Variants in BEND7 observed in about 807,000 individuals in gnomAD.
BEND7 encodes BEN domain containing 7, also known as BEN domain-containing protein 7.
In BEND7, 28 loss-of-function variants were observed where a neutral mutation model predicts 50.9. That is an observed-to-expected ratio of 0.55 (90% confidence interval 0.41 to 0.75). The LOEUF is 0.75. Among genes scored for constraint, BEND7 ranks in the 30% least tolerant of loss-of-function variants. The pLI, the probability that BEND7 is intolerant of heterozygous loss-of-function variation, is 0.00. For synonymous variants in BEND7, 170 were observed against 183.9 expected, an observed-to-expected ratio of 0.92 and a Z score of 0.61; for missense variants, 477 against 491.3, an observed-to-expected ratio of 0.97 and a Z score of 0.28.
chr10:13,489,077 G>A (rs1313898665), intron 5 of BEND7, among the ~76,000 whole-genome samples: 1 of 152,174 alleles, frequency 6.6e-6, no homozygotes, highest in African/African-American at 2.4e-5. Flanking sequence ...AAATGGGCCA[G>A]GCCTTGTTCT....
chr10:13,493,317 A>T (rs12572570), intron 4 of BEND7, among the ~76,000 whole-genome samples: 30,781 of 152,212 alleles, frequency 0.2, 3,214 homozygotes, highest in African/African-American at 0.24. Flanking sequence ...AATAATCTAC[A>T]GGTGCCAAAA....
At chr10:13,508,136 T>C (rs2132399320) in intron 2 of BEND7, among the ~76,000 whole-genome samples, 1 of 152,252 alleles carries the variant, frequency 6.6e-6, no homozygotes, top group African/African-American at 2.4e-5. Flanking sequence ...ACCCTGTGCT[T>C]TGAGGACCTG....
chr10:13,496,948 A>C, intron 3 of BEND7, 60 bp from the exon 4 acceptor site: 2 of 1,303,648 alleles, frequency 1.5e-6, no homozygotes, highest in East Asian at 2.9e-5. Context: ...AAAAAAAATC[A>C]TAAAGAGGTG....
chr10:13,507,403 G>A (rs1420611830), intron 2 of BEND7, among the ~76,000 whole-genome samples: 3 of 152,092 alleles, frequency 2.0e-5, no homozygotes, highest in African/African-American at 4.8e-5. Context: ...GAAAGAAATG[G>A]GGTCCAATCC....
chr10:13,460,641 C>T (rs1253782371), intron 6 of BEND7, among the ~76,000 whole-genome samples: 3 of 152,244 alleles, frequency 2.0e-5, no homozygotes, highest in East Asian at 3.9e-4. Flanking sequence ...GGCCTTTGTG[C>T]ACCCACAAAT....
chr10:13,499,737 A>C (rs1180477862), intron 3 of BEND7, 41 bp downstream of exon 3: 3 of 1,551,892 alleles, frequency 1.9e-6, no homozygotes, highest in African/African-American at 2.8e-5. Context: ...AACAGTACAA[A>C]CCCCCATGAG....
intron 6 of BEND7, among the ~76,000 whole-genome samples, chr10:13,478,095 A>T (rs2075588122): frequency 6.6e-6 from 1 of 152,204 alleles, no homozygotes. Flanking sequence ...GATGGAGCAG[A>T]CAAATTAGGG....
chr10:13,491,543 A>C (rs1280361868), intron 5 of BEND7, among the ~76,000 whole-genome samples: 3 of 151,820 alleles, frequency 2.0e-5, no homozygotes, highest in African/African-American at 7.3e-5. Context: ...ACTTCTTAAC[A>C]ATTGTAGCAA....
chr10:13,506,449 G>C (rs1040439269), intron 2 of BEND7, among the ~76,000 whole-genome samples: 2 of 152,140 alleles, frequency 1.3e-5, no homozygotes, highest in African/African-American at 4.8e-5. Flanking sequence ...AGGAGTTTAA[G>C]ATTCATAGGA....
At chr10:13,496,927 C>T (rs200063820) in intron 3 of BEND7, 39 bp from the exon 4 acceptor site, 1 of 809,996 alleles carries the variant, frequency 1.2e-6, no homozygotes, top group Admixed American at 1.2e-4. Context: ...TCCAAACAAA[C>T]CAAAAAAAAA....
At chr10:13,523,834 G>A (rs954348731) in intron 2 of BEND7, among the ~76,000 whole-genome samples, 2 of 152,052 alleles carry the variant, frequency 1.3e-5, no homozygotes, top group African/African-American at 4.8e-5. Context: ...TTTCTTAACT[G>A]ACCTAGAGAT....
At chr10:13,478,325 C>G (rs2075605916) in intron 6 of BEND7, among the ~76,000 whole-genome samples, 1 of 152,196 alleles carries the variant, frequency 6.6e-6, no homozygotes, top group Non-Finnish European at 1.5e-5. Flanking sequence ...GAGAACCCCT[C>G]CCTGCATCTG....
chr10:13,517,043 C>T (rs567463738), intron 2 of BEND7, among the ~76,000 whole-genome samples: 90 of 148,676 alleles, frequency 6.1e-4, no homozygotes, highest in African/African-American at 2.1e-3. Context: ...GCATTTGTTG[C>T]CCTATTAGGG....
chr10:13,468,973 A>C lies in BEND7; in HGVS notation c.1063+11926T>G, dbSNP rs112886386. 1.2e-4 allele frequency among the ~76,000 whole-genome samples: 18 copies of C among 152,356 alleles called. 3 individuals are homozygous for C. The highest frequency in any genetic ancestry group is 3.4e-4 in the African/African-American group (14 of 41,594). ...GGCCAGCACAGGCCCCATGCCCTGC[A>C]GGAGACCTGAATATCCTATATATAC... On this transcript the variant is annotated intron_variant, in intron 6 of 8. Transcript: ENST00000466271.
At chr10:13,463,421 A>G (rs143244005) in intron 6 of BEND7, among the ~76,000 whole-genome samples, 1,605 of 152,326 alleles carry the variant, frequency 0.011, 27 homozygotes, top group African/African-American at 0.037. Context: ...ATGATGGCTC[A>G]AAGACGAAGG....
chr10:13,453,330 T>A (rs1172363844), intron 6 of BEND7, among the ~76,000 whole-genome samples: 1 of 152,168 alleles, frequency 6.6e-6, no homozygotes, highest in Non-Finnish European at 1.5e-5. Flanking sequence ...CATTTCCACC[T>A]CACACACACT....
chr10:13,466,026 G>A (rs541101712), intron 6 of BEND7, among the ~76,000 whole-genome samples: 144 of 152,218 alleles, frequency 9.5e-4, no homozygotes, highest in Non-Finnish European at 1.9e-3. Flanking sequence ...ATTAAACAAG[G>A]TTAATTTTAA....
At chr10:13,503,581 C>T (rs184244596) in intron 2 of BEND7, among the ~76,000 whole-genome samples, 126 of 152,254 alleles carry the variant, frequency 8.3e-4, no homozygotes, top group African/African-American at 2.9e-3. Context: ...GGCGTGGCAG[C>T]GCGCGCCTGT....
At chr10:13,481,351 C>A (rs1317671887) in intron 5 of BEND7, among the ~76,000 whole-genome samples, 1 of 152,136 alleles carries the variant, frequency 6.6e-6, no homozygotes, top group South Asian at 2.1e-4. Context: ...TTGTCAAAAG[C>A]AATGGAAAGA....
Sources: gnomAD v4.1 joint callset for allele counts (sites outside exome capture counted in the v4.1 genomes callset) on GRCh38, gnomAD v4.1.1 for gene constraint, MANE v1.5 for transcripts, NCBI Gene and HGNC (gene_info 2026-07-23, HGNC 2026-07-21) for gene names.